CDH4: variants seen among roughly 807,000 people sequenced by gnomAD.
The protein encoded by CDH4 is cadherin-4.
In CDH4, 33 loss-of-function variants were observed where a neutral mutation model predicts 86.0. The ratio of observed to expected loss-of-function variants is 0.38; its 90% CI spans 0.29 to 0.51. The LOEUF (loss-of-function observed/expected upper bound fraction) is 0.51. CDH4 is among the 20% of genes least tolerant of loss of function. The pLI is 0.86. For missense variants in CDH4, 1,114 were observed against 1,307.4 expected (o/e 0.85, Z 2.28); for synonymous variants, 555 against 549.4 (o/e 1.01, Z -0.14).
At chr20:61,300,520 G>A (rs555880481) in intron 2 of CDH4, among the ~76,000 whole-genome samples, 5 of 152,270 alleles carry the variant, frequency 3.3e-5, no homozygotes, top group South Asian at 2.1e-4. Context: ...CACAGCCCTT[G>A]CTCATCCCCC....
chr20:61,279,650 C>G (rs1229939356), intron 2 of CDH4, among the ~76,000 whole-genome samples: 2 of 152,282 alleles, frequency 1.3e-5, no homozygotes, highest in African/African-American at 4.8e-5. Context: ...CTGGGGGTCT[C>G]CACGAAAGCG....
At chr20:61,394,580 GCAC>G in intron 2 of CDH4, among the ~76,000 whole-genome samples, 1 of 151,818 alleles carries the variant, frequency 6.6e-6, no homozygotes, top group Non-Finnish European at 1.5e-5. Context: ...GCCGAAGAGA[GCAC>G]CAGGGCGGGG....
chr20:61,870,120 G>A (rs549319637), intron 6 of CDH4, among the ~76,000 whole-genome samples: 1 of 152,312 alleles, frequency 6.6e-6, no homozygotes, highest in African/African-American at 2.4e-5. Flanking sequence ...CTGACTCGCT[G>A]TCCCTCCACC....
intron 6 of CDH4, among the ~76,000 whole-genome samples, chr20:61,856,494 A>G (rs1983016516): frequency 6.9e-6 from 1 of 144,954 alleles, no homozygotes; most frequent in African/African-American, 2.6e-5. Context: ...GCCCCCCAGG[A>G]TCCACGAGGG....
At chr20:61,910,094 T>A (rs1370468653) in intron 8 of CDH4, among the ~76,000 whole-genome samples, 1 of 152,230 alleles carries the variant, frequency 6.6e-6, no homozygotes, top group African/African-American at 2.4e-5. Context: ...GATCTGGGCG[T>A]GGCTGACACG....
intron 2 of CDH4, among the ~76,000 whole-genome samples, chr20:61,588,494 G>C (rs186471978): frequency 1.3e-5 from 2 of 152,324 alleles, no homozygotes; most frequent in African/African-American, 4.8e-5. Context: ...TCTGAGTGGA[G>C]TGACCAGTTC....
intron 3 of CDH4, among the ~76,000 whole-genome samples, chr20:61,766,874 C>T (rs1266703651): frequency 6.6e-6 from 1 of 152,184 alleles, no homozygotes; most frequent in Non-Finnish European, 1.5e-5. Flanking sequence ...GTCCCCAAGT[C>T]CCCAGTGGAC....
At chr20:61,468,559 A>G (rs78918923) in intron 2 of CDH4, among the ~76,000 whole-genome samples, 1,553 of 152,260 alleles carry the variant, frequency 0.01, 30 homozygotes, top group African/African-American at 0.036. Context: ...ATCCAGTTAC[A>G]TTCTTTTAGT....
rs552600541 is a variant in CDH4 at position 61,604,690 on chromosome 20, A to T, written c.170-138873A>T. Among the ~76,000 whole-genome samples, 44 of 152,214 alleles carry T rather than the reference A, an allele frequency of 2.9e-4. 1 individual carries two copies. The highest frequency in any genetic ancestry group is 9.9e-4 in the African/African-American group (41 of 41,532). On this transcript the variant is annotated intron_variant, in intron 2 of 15. Coordinates refer to ENST00000614565, the MANE Select transcript of CDH4 (RefSeq NM_001794.5). ...CATTTGAGAGCACACGTGCACATGCATCCCTCTAACACACAGACACGTGTA... is the reference window on the plus strand; with the variant it reads ...CATTTGAGAGCACACGTGCACATGCTTCCCTCTAACACACAGACACGTGTA...
chr20:61,312,487 G>A (rs546024266), intron 2 of CDH4, among the ~76,000 whole-genome samples: 16 of 152,224 alleles, frequency 1.1e-4, no homozygotes, highest in African/African-American at 3.1e-4. Flanking sequence ...GTGAGGAGCC[G>A]CCAGCCCCCG....
chr20:61,407,451 A>C (rs1471639249), intron 2 of CDH4, among the ~76,000 whole-genome samples: 1 of 152,036 alleles, frequency 6.6e-6, no homozygotes, highest in African/African-American at 2.4e-5. Context: ...AGCACTTGCA[A>C]CTCTGGGATT....
chr20:61,404,495 C>T (rs761915009), intron 2 of CDH4, among the ~76,000 whole-genome samples: 2 of 152,088 alleles, frequency 1.3e-5, no homozygotes, highest in Admixed American at 6.6e-5. Flanking sequence ...GGCTCCGGCC[C>T]GAGGCTTCGA....
intron 4 of CDH4, among the ~76,000 whole-genome samples, chr20:61,795,170 CATA>C (rs1428745655): frequency 2.7e-4 from 1 of 3,756 alleles, no homozygotes; most frequent in Non-Finnish European, 6.7e-4. Flanking sequence ...GGTTGGTGAT[CATA>C]ATAATTAAGA....
intron 12 of CDH4, among the ~76,000 whole-genome samples, chr20:61,929,317 T>A (rs1478762366): frequency 6.6e-6 from 1 of 152,156 alleles, no homozygotes; most frequent in East Asian, 1.9e-4. Flanking sequence ...TTGTATTTTT[T>A]ACTAGAGACA....
At chr20:61,894,353 G>A (rs980731520) in intron 7 of CDH4, among the ~76,000 whole-genome samples, 7 of 152,170 alleles carry the variant, frequency 4.6e-5, no homozygotes, top group Admixed American at 1.3e-4. Context: ...GCGCCTGCAC[G>A]GTAAACTGTC....
Position 61,703,087 on chromosome 20 carries a change from T to A in CDH4, c.170-40476T>A, listed in dbSNP as rs530014737. ...TGAACATAAAGGATGTCATCCCTCT[T>A]GGCTGAATTTACACTCTGGTGGGGC... On this transcript the variant is annotated intron_variant, in intron 2 of 15. Transcript: ENST00000614565. This position sits in a 1 kb window ranked among gnomAD's most constrained non-coding sequence, Gnocchi z 4.3. Among the ~76,000 whole-genome samples, 65 of 152,324 alleles carry A rather than the reference T, an allele frequency of 4.3e-4. No individual in the cohort carries two copies. The highest frequency in any genetic ancestry group is 1.3e-3 in the African/African-American group (52 of 41,574).
intron 2 of CDH4, among the ~76,000 whole-genome samples, chr20:61,386,891 G>A (rs536330285): frequency 1.3e-5 from 2 of 152,198 alleles, no homozygotes; most frequent in African/African-American, 2.4e-5. Flanking sequence ...CCCGGAGCCC[G>A]GGGGGAGGAG....
At chr20:61,549,761 G>A (rs1204936825) in intron 2 of CDH4, among the ~76,000 whole-genome samples, 1 of 152,242 alleles carries the variant, frequency 6.6e-6, no homozygotes, top group Admixed American at 6.5e-5. Context: ...TGCCTTCATG[G>A]TTCTCAGAGT....
intron 4 of CDH4, among the ~76,000 whole-genome samples, chr20:61,795,974 T>C (rs1349070528): frequency 6.6e-6 from 1 of 152,096 alleles, no homozygotes; most frequent in African/African-American, 2.4e-5. Context: ...CATGGTCAGA[T>C]CTGTGCTTAC....
Sources: gnomAD v4.1 joint callset for allele counts (sites outside exome capture counted in the v4.1 genomes callset) on GRCh38, gnomAD v4.1.1 for gene constraint, Gnocchi (gnomAD v3.1) non-coding constraint, MANE v1.5 for transcripts, NCBI Gene and HGNC (gene_info 2026-07-23, HGNC 2026-07-21) for gene names.